Variants in TET1 observed in about 807,000 individuals in gnomAD.
The protein encoded by TET1 is methylcytosine dioxygenase TET1.
Under a neutral mutation model 148.7 loss-of-function variants are expected in TET1, and 13 were observed. The observed-to-expected ratio is 0.09, with a 90% confidence interval of 0.06 to 0.14. The LOEUF (loss-of-function observed/expected upper bound fraction) is 0.14, where lower values mean the gene tolerates loss of function less well. Ranked by LOEUF, TET1 falls within the 10% of genes least tolerant of loss-of-function variation. The probability of loss-of-function intolerance (pLI) is 1.00; values close to 1 mark genes in which losing one functional copy is unlikely to be tolerated. For synonymous variants in TET1, 907 were observed against 937.2 expected, an observed-to-expected ratio of 0.97 and a Z score of 0.59; for missense variants, 2,182 against 2,553.8, an observed-to-expected ratio of 0.85 and a Z score of 3.14.
At chr10:68,663,470 T>C (rs1312028239) in intron 6 of TET1, among the ~76,000 whole-genome samples, 2 of 152,194 alleles carry the variant, frequency 1.3e-5, no homozygotes, top group Non-Finnish European at 2.9e-5. Context: ...AAGGATCCAA[T>C]TGTTTTACTT....
At chr10:68,614,446 C>T (rs1370598614) in intron 3 of TET1, among the ~76,000 whole-genome samples, 1 of 152,154 alleles carries the variant, frequency 6.6e-6, no homozygotes, top group Non-Finnish European at 1.5e-5. Flanking sequence ...TCAAAAAACT[C>T]AGTCAAATTC....
intron 7 of TET1, among the ~76,000 whole-genome samples, chr10:68,669,624 G>A (rs1300726165): frequency 6.6e-6 from 1 of 151,528 alleles, no homozygotes; most frequent in Admixed American, 6.6e-5. Context: ...AAAGTGCTGG[G>A]ATTACAGGCG....
At chr10:68,615,426 A>C (rs2054276897) in intron 3 of TET1, among the ~76,000 whole-genome samples, 1 of 148,434 alleles carries the variant, frequency 6.7e-6, no homozygotes. Context: ...GCTCACTGCA[A>C]CCTCCACCTC....
Position 68,595,612 on chromosome 10 carries a change from C to CTTTTTTTTTTTTTTTTTTTTTT in TET1, c.1915-5368_1915-5347dup, listed in dbSNP as rs71470530. Among the ~76,000 whole-genome samples the CTTTTTTTTTTTTTTTTTTTTTT allele has an allele frequency of 2.4e-4, 18 of 76,510 alleles. 2 individuals carry two copies. Among genetic ancestry groups the CTTTTTTTTTTTTTTTTTTTTTT allele is most frequent in the Non-Finnish European group, 4.3e-4 (17 of 39,500 alleles). 50.2% of individuals were successfully genotyped at this position (76,510 alleles called of 152,430 possible). ...CACAACACACACACACACACAGCTT[C>CTTTTTTTTTTTTTTTTTTTTTT]TTTTTTTTTTTTTTTTTTTTTTGAG... On this transcript the variant is annotated intron_variant, in intron 2 of 11. Coordinates refer to ENST00000373644, the MANE Select transcript of TET1 (RefSeq NM_030625.3).
At chr10:68,660,432 TG>T (rs1425375526) in intron 6 of TET1, among the ~76,000 whole-genome samples, 1 of 148,000 alleles carries the variant, frequency 6.8e-6, no homozygotes, top group African/African-American at 2.5e-5. Flanking sequence ...CACCATCTCC[TG>T]GTTTCAAGCG....
At chr10:68,570,585 A>T (rs1449682433) in intron 1 of TET1, among the ~76,000 whole-genome samples, 7 of 151,680 alleles carry the variant, frequency 4.6e-5, no homozygotes, top group Admixed American at 4.6e-4. Context: ...TGTTGATTAT[A>T]TTTTTCTTTT....
At chr10:68,600,931 T>A in intron 2 of TET1, 50 bp from the exon 3 acceptor site, 1 of 1,556,318 alleles carries the variant, frequency 6.4e-7, no homozygotes, top group Non-Finnish European at 8.7e-7. Flanking sequence ...ATGTGGGAGC[T>A]AATTTTATTT....
At chr10:68,562,095 G>A (rs1721726012) in intron 1 of TET1, among the ~76,000 whole-genome samples, 1 of 152,176 alleles carries the variant, frequency 6.6e-6, no homozygotes, top group Non-Finnish European at 1.5e-5. Context: ...GCGAGAACAG[G>A]ATTAGGTACA....
At chr10:68,564,096 C>G (rs941552781) in intron 1 of TET1, among the ~76,000 whole-genome samples, 2 of 151,660 alleles carry the variant, frequency 1.3e-5, no homozygotes, top group African/African-American at 4.8e-5. Flanking sequence ...TTTTGGATTG[C>G]ATACTCTGTA....
At chr10:68,626,759 T>C (rs1478873913) in intron 3 of TET1, among the ~76,000 whole-genome samples, 4 of 148,686 alleles carry the variant, frequency 2.7e-5, no homozygotes, top group Non-Finnish European at 6.0e-5. Flanking sequence ...ACCATGTTAG[T>C]CAGGCTGGTC....
At chr10:68,566,294 G>A (rs569411144) in intron 1 of TET1, among the ~76,000 whole-genome samples, 3 of 152,228 alleles carry the variant, frequency 2.0e-5, no homozygotes, top group East Asian at 1.9e-4. Flanking sequence ...TAATGATATC[G>A]TTGAATTTCA....
chr10:68,607,783 T>C (rs2054146278), intron 3 of TET1, among the ~76,000 whole-genome samples: 1 of 148,530 alleles, frequency 6.7e-6, no homozygotes, highest in Admixed American at 6.8e-5. Flanking sequence ...CATATATATA[T>C]ATGAATATAT....
At chr10:68,587,762 C>T (rs2053876207) in intron 2 of TET1, among the ~76,000 whole-genome samples, 1 of 152,142 alleles carries the variant, frequency 6.6e-6, no homozygotes. Context: ...GGGGCAGACA[C>T]AGTGATAAAA....
rs2133650799 is a variant in TET1 at position 68,560,483 on chromosome 10, G to T, written c.-382G>T. Among the ~76,000 whole-genome samples, 1 of 152,284 alleles carries T rather than the reference G, an allele frequency of 6.6e-6. No homozygotes were observed. The highest frequency in any genetic ancestry group is 1.9e-4 in the East Asian group (1 of 5,162). ...GGTCTGCCCCCCGGGACACCCCTCTGCCTCGCCCAAGTCATGCAGCCCTAC... is the reference window on the plus strand; with the variant it reads ...GGTCTGCCCCCCGGGACACCCCTCTTCCTCGCCCAAGTCATGCAGCCCTAC... On this transcript the variant is annotated 5_prime_UTR_variant, in exon 1 of 12. Coordinates refer to ENST00000373644, the MANE Select transcript of TET1 (RefSeq NM_030625.3).
rs1589113016 is a variant in TET1 at position 68,651,744 on chromosome 10, T to C, written c.4277-102T>C. The C allele has an allele frequency of 1.7e-5, 12 of 703,404 alleles. No homozygotes were observed. The East Asian group carries it at 3.2e-4, about 19-fold the overall frequency. The allele number at this position is 703,404 out of a possible 1,614,324, so 43.6% of individuals were successfully genotyped here. A position where few individuals can be genotyped will look rare whatever the true frequency, so the allele number is the denominator to read the frequency against. ...CTTACCAAAACCTTGTCAAGATTCA[T>C]GGTTCTGAATTGAGGGGGAACAAAA... is the stretch of plus-strand genomic sequence containing the variant. On this transcript the variant is annotated intron_variant, in intron 4 of 11. Transcript: ENST00000373644.
Position 68,693,999 on chromosome 10 carries a change from A to T in TET1, c.*2185A>T, listed in dbSNP as rs1163561439. 1 of 230,858 alleles carries T rather than the reference A, an allele frequency of 4.3e-6. No homozygotes were observed. The highest frequency in any genetic ancestry group is 8.6e-6 in the Non-Finnish European group (1 of 116,690). The allele number at this position is 230,858 out of a possible 1,614,324, so 14.3% of individuals were successfully genotyped here. A position where few individuals can be genotyped will look rare whatever the true frequency, so the allele number is the denominator to read the frequency against. On this transcript the variant is annotated 3_prime_UTR_variant, in exon 12 of 12. Transcript: ENST00000373644. ...ATGACATAGTAAACTTGAAGAATAA[A>T]AACTACCCTCAGAAATATTTTTAAA...
In TET1 at chr10:68,615,095, C is replaced by T. The variant is rs551227723; in HGVS notation, c.1968+14061C>T. 7.1e-4 allele frequency among the ~76,000 whole-genome samples: 107 copies of T among 151,572 alleles called. No individual in the cohort carries two copies. In the Middle Eastern group the frequency reaches 0.014, roughly 19 times the overall value. On this transcript the variant is annotated intron_variant, in intron 3 of 11. Transcript: ENST00000373644. ...GATTACAGGCGTGTGCCACCACACC[C>T]GGCTAATTTTTGTATTTTTAGTAGA...
Position 68,644,942 on chromosome 10 carries a change from ACT to A in TET1, c.2216_2217del (p.Ser739Ter). On this transcript the variant is annotated frameshift_variant, in exon 4 of 12. Coordinates refer to ENST00000373644, the MANE Select transcript of TET1 (RefSeq NM_030625.3). LOFTEE classifies it high-confidence loss of function. ...GTCCCAGAAGCTGAAAAATCGAAAA[ACT>A]CTGAAGTTGACAAGAAACGAACCAA... is the stretch of plus-strand genomic sequence containing the variant. The A allele has an allele frequency of 2.5e-6, 4 of 1,612,618 alleles. No homozygotes were observed. The highest frequency in any genetic ancestry group is 3.4e-6 in the Non-Finnish European group (4 of 1,179,506).
chr10:68,690,977 A>C lies in TET1; in HGVS notation c.5574A>C (p.Thr1858=), dbSNP rs1349633106. 6.2e-7 allele frequency: 1 copy of C among 1,614,204 alleles called. No individual in the cohort carries two copies. Among genetic ancestry groups the C allele is most frequent in the South Asian group, 1.1e-5 (1 of 91,082 alleles). The change falls in exon 12 of 12, where the codon ACA becomes ACC. Residue 1858 remains threonine (T), a synonymous_variant. Coordinates refer to ENST00000373644, the MANE Select transcript of TET1 (RefSeq NM_030625.3). The stretch of plus-strand genomic sequence containing the variant: ...GGTCCCCGAAGACTGCTTCAGCCAC[A>C]CCAGCTCCACTGAAGAATGACGCAA... ...FSWSPKTASA[T]PAPLKNDATA...
Sources: allele counts gnomAD v4.1 joint callset (sites outside exome capture counted in the v4.1 genomes callset), GRCh38; gene constraint gnomAD v4.1.1; transcripts MANE v1.5; gene names NCBI Gene and HGNC (gene_info 2026-07-23, HGNC 2026-07-21).